The following SIN3A variants were observed in gnomAD, a reference collection of about 807,000 sequenced individuals.
The protein encoded by SIN3A is SIN3 transcription regulator family member A.
In SIN3A, 14 loss-of-function variants were observed where a neutral mutation model predicts 146.1. That is an observed-to-expected ratio of 0.10 (90% confidence interval 0.06 to 0.15). The LOEUF is 0.15. SIN3A is among the 10% of genes least tolerant of loss of function. SIN3A has a pLI of 1.00. For synonymous variants in SIN3A, 572 were observed against 572.0 expected (o/e 1.00, Z 0.00); for missense variants, 1,028 against 1,576.0 (o/e 0.65, Z 5.89).
chr15:75,415,932 C>A, intron 3 of SIN3A: 1 of 314,394 alleles, frequency 3.2e-6, no homozygotes, highest in South Asian at 3.4e-5. Flanking sequence ...AATGCTGACA[C>A]TGGCAGGGAG....
At chr15:75,391,711 C>G (rs986776697) in intron 15 of SIN3A, among the ~76,000 whole-genome samples, 3 of 152,152 alleles carry the variant, frequency 2.0e-5, no homozygotes, top group African/African-American at 7.2e-5. Context: ...AGTTCTACAT[C>G]TTTATCCCTG....
intron 9 of SIN3A, among the ~76,000 whole-genome samples, chr15:75,406,536 A>C (rs936967119): frequency 3.9e-5 from 6 of 152,110 alleles, no homozygotes; most frequent in African/African-American, 7.2e-5. Context: ...AAATACAAAA[A>C]ATTAGCCGGG....
At chr15:75,432,685 C>CAAA (rs71440236) in intron 1 of SIN3A, among the ~76,000 whole-genome samples, 18 of 84,710 alleles carry the variant, frequency 2.1e-4, no homozygotes, top group South Asian at 4.5e-4. Context: ...GACTCTGTCT[C>CAAA]AAAAAAAAAA....
chr15:75,400,347 T>C (rs1357119876), intron 11 of SIN3A, among the ~76,000 whole-genome samples, 191 bp from the exon 12 acceptor site: 1 of 152,172 alleles, frequency 6.6e-6, no homozygotes, highest in Non-Finnish European at 1.5e-5. Context: ...GAAATATAAT[T>C]CCAGTGCTTT....
At chr15:75,419,350 T>C (rs530750756) in intron 3 of SIN3A, 7 of 152,306 alleles carry the variant, frequency 4.6e-5, no homozygotes, top group Admixed American at 1.3e-4. Flanking sequence ...AAGAATAGCA[T>C]GCATCATTAC....
intron 8 of SIN3A, among the ~76,000 whole-genome samples, chr15:75,408,944 C>A (rs940857552): frequency 3.3e-5 from 5 of 152,230 alleles, no homozygotes; most frequent in Admixed American, 1.3e-4. Flanking sequence ...TGGCTCACGC[C>A]TGTAATTCCA....
At chr15:75,453,243 T>A (rs1427161537), upstream of SIN3A, 1 of 152,558 alleles carries the variant, frequency 6.6e-6, no homozygotes, top group Non-Finnish European at 1.5e-5. Context: ...AGCGATGGCT[T>A]CGAGCCGCGA....
In SIN3A at chr15:75,394,782, G is replaced by A. The variant is rs888877531; in HGVS notation, c.2175C>T (p.Tyr725=). The A allele has an allele frequency of 1.5e-5, 25 of 1,614,012 alleles. No individual in the cohort carries two copies. In the African/African-American group the frequency reaches 2.8e-4, roughly 18 times the overall value. The change falls in exon 14 of 21, where the codon TAC becomes TAT. Residue 725 remains tyrosine, a synonymous_variant. Transcript: ENST00000394947. The stretch of plus-strand genomic sequence containing the variant: ...TCCCCTGGTGGTCCAGAGACTTCAA[G>A]TAGTATTTCTCATTTTGTTCTCGCC... The part of the protein sequence containing the change: ...KVWREQNEKY[Y]LKSLDHQGIN...
At chr15:75,389,971 G>C in intron 15 of SIN3A, 150 bp from the exon 16 acceptor site, 1 of 711,666 alleles carries the variant, frequency 1.4e-6, no homozygotes, top group South Asian at 1.9e-5. Context: ...AATGTAAACA[G>C]AGATGAATTC....
rs1335698622 is a variant in SIN3A at position 75,382,471 on chromosome 15, T to C, written c.3196-766A>G. Among the ~76,000 whole-genome samples the C allele has an allele frequency of 3.3e-5, 5 of 152,276 alleles. No individual in the cohort carries two copies. In the East Asian group the frequency reaches 5.8e-4, roughly 18 times the overall value. On this transcript the variant is annotated intron_variant, in intron 17 of 20. Coordinates refer to ENST00000394947, the MANE Select transcript of SIN3A (RefSeq NM_001145358.2). ...GTCATTAACCAGTCCCCATAGTGGG[T>C]TGGACGTCTAGGATGTTTCCAACTA... is the stretch of plus-strand genomic sequence containing the variant.
Position 75,392,730 on chromosome 15 carries a change from T to G in SIN3A, c.2363A>C (p.Glu788Ala), listed in dbSNP as rs1468297310. Residue 788 changes from glutamate (E) to alanine (A), a missense_variant, in exon 15 of 21, where the codon GAA becomes GCA. Around this residue, in one of 9 missense-constraint regions of SIN3A, gnomAD observed 488 missense variants for 690.2 expected, o/e 0.71. Coordinates refer to ENST00000394947, the MANE Select transcript of SIN3A (RefSeq NM_001145358.2). ...SLAYEDKQIL[E>A]DAAALIIHHV... Reference sequence around the variant, plus strand: ...GTGGATAATCAGAGCAGCAGCATCTTCCAGTATTTGTTTGTCTTCATACGC... The same window carrying G: ...GTGGATAATCAGAGCAGCAGCATCTGCCAGTATTTGTTTGTCTTCATACGC... The G allele has an allele frequency of 6.2e-7, 1 of 1,614,222 alleles. No homozygotes were observed. The highest frequency in any genetic ancestry group is 8.5e-7 in the Non-Finnish European group (1 of 1,180,036).
At chr15:75,394,139 A>G (rs1199082854) in intron 14 of SIN3A, among the ~76,000 whole-genome samples, 1 of 152,112 alleles carries the variant, frequency 6.6e-6, no homozygotes, top group Non-Finnish European at 1.5e-5. Context: ...TCATTTTACT[A>G]TTTTTAAAGT....
rs779742803 is a variant in SIN3A, at chr15:75,384,473, A to G, written c.3022-36T>C. 8.7e-6 allele frequency: 13 copies of G among 1,502,316 alleles called. No individual in the cohort carries two copies. In the South Asian group the frequency reaches 1.4e-4, roughly 17 times the overall value. The allele number at this position is 1,502,316 out of a possible 1,614,324, so 93.1% of individuals were successfully genotyped here. On this transcript the variant is annotated intron_variant, in intron 16 of 20. Transcript: ENST00000394947. ...ACAAAGGCAAGCTTTTAGTGAACAC[A>G]GAAAACATTTCTCCATTATACAGTC...
chr15:75,442,396 C>T (rs372713687), intron 1 of SIN3A, among the ~76,000 whole-genome samples: 4 of 149,696 alleles, frequency 2.7e-5, no homozygotes, highest in East Asian at 2.0e-4. Flanking sequence ...TGGTCTCGAA[C>T]GTCTGGGCTC....
chr15:75,430,519 C>A lies in SIN3A; in HGVS notation c.-33-111G>T, dbSNP rs567132618. ...TAAAAGCTTGACTCCCAGAACTGAT[C>A]ATCTATTTCATCTTAGTGATGAAGT... On this transcript the variant is annotated intron_variant, in intron 1 of 20. Coordinates refer to ENST00000394947, the MANE Select transcript of SIN3A (RefSeq NM_001145358.2). The A allele has an allele frequency of 1.1e-4, 74 of 702,776 alleles. No individual in the cohort carries two copies. In the South Asian group the frequency reaches 1.7e-3, roughly 16 times the overall value. 43.5% of individuals were successfully genotyped at this position (702,776 alleles called of 1,614,324 possible).
intron 3 of SIN3A, chr15:75,420,074 G>A (rs1295357932): frequency 2.6e-5 from 4 of 152,134 alleles, no homozygotes; most frequent in Non-Finnish European, 5.9e-5. Context: ...AGCACTTGGG[G>A]AGACCCTTAG....
At chr15:75,398,920 G>T (rs1489610451) in intron 12 of SIN3A, among the ~76,000 whole-genome samples, 58 of 152,024 alleles carry the variant, frequency 3.8e-4, no homozygotes, top group Non-Finnish European at 2.1e-4. Context: ...CCTAATGCAT[G>T]TGGGGCTTAA....
At chr15:75,420,895 A>C (rs1051529641) in intron 3 of SIN3A, 3 of 152,224 alleles carry the variant, frequency 2.0e-5, no homozygotes, top group African/African-American at 4.8e-5. Flanking sequence ...GACTAAAAGA[A>C]CACAACAAGA....
In SIN3A at chr15:75,390,754, T is replaced by C. The variant is rs544555964; in HGVS notation, c.2852-933A>G. Among the ~76,000 whole-genome samples the C allele has an allele frequency of 2.0e-5, 3 of 152,336 alleles. No individual in the cohort carries two copies. In the East Asian group the frequency reaches 5.8e-4, roughly 29 times the overall value. On this transcript the variant is annotated intron_variant, in intron 15 of 20. Coordinates refer to ENST00000394947, the MANE Select transcript of SIN3A (RefSeq NM_001145358.2). ...TACATGCCGTACCTTATATGTATTT[T>C]TTTGTAGAGATGGGGTCTCACTTAT... is the stretch of plus-strand genomic sequence containing the variant.
Sources: gnomAD v4.1 joint callset for allele counts (sites outside exome capture counted in the v4.1 genomes callset) on GRCh38, gnomAD v4.1.1 for gene constraint, gnomAD v4.1.1 regional missense constraint, MANE v1.5 for transcripts, NCBI Gene and HGNC (gene_info 2026-07-23, HGNC 2026-07-21) for gene names.